ALG11: variants seen among roughly 807,000 people sequenced by gnomAD.
ALG11 encodes the protein GDP-Man:Man(3)GlcNAc(2)-PP-Dol alpha-1,2-mannosyltransferase.
In ALG11, 26 loss-of-function variants were observed where a neutral mutation model predicts 38.8. The ratio of observed to expected loss-of-function variants is 0.67; its 90% CI spans 0.49 to 0.93. The LOEUF (loss-of-function observed/expected upper bound fraction) is 0.93, where lower values mean the gene tolerates loss of function less well. ALG11 is among the 40% of genes least tolerant of loss of function. ALG11 has a pLI of 0.00. For synonymous variants in ALG11, 199 were observed against 211.6 expected, an observed-to-expected ratio of 0.94 and a Z score of 0.52; for missense variants, 535 against 578.8, an observed-to-expected ratio of 0.92 and a Z score of 0.78.
chr13:52,015,919 A>G (rs1415859714), intron 1 of ALG11: 1 of 152,774 alleles, frequency 6.5e-6, no homozygotes, highest in Non-Finnish European at 1.5e-5. Context: ...AGAGGCTGGA[A>G]CAGTTTGGAG....
chr13:52,023,954 C>A (rs1056009658), intron 2 of ALG11, 52 bp from the exon 3 acceptor site: 36 of 1,568,992 alleles, frequency 2.3e-5, no homozygotes, highest in Non-Finnish European at 3.2e-5. Context: ...GCCACCGTGT[C>A]TGGCTAATTT....
chr13:52,029,383 G>C lies in ALG11; in HGVS notation c.*793G>C. The C allele has an allele frequency of 6.2e-7, 1 of 1,614,082 alleles. No individual in the cohort carries two copies. Among genetic ancestry groups the C allele is most frequent in the Non-Finnish European group, 8.5e-7 (1 of 1,180,034 alleles). On this transcript the variant is annotated 3_prime_UTR_variant, in exon 4 of 4. Transcript: ENST00000521508. The stretch of plus-strand genomic sequence containing the variant: ...AGGAAATTTTTAACCTCCTCCATAA[G>C]AACAAGCAGCCAGTGACAGATCCTT...
intron 2 of ALG11, 176 bp from the exon 3 acceptor site, chr13:52,023,830 T>C (rs1954209748): frequency 6.0e-6 from 2 of 334,204 alleles, no homozygotes; most frequent in South Asian, 4.2e-5. Context: ...AGTCTCACTC[T>C]GTCACCCAGG....
Position 52,029,334 on chromosome 13 carries a change from G to GGAA in ALG11, c.*746_*748dup, listed in dbSNP as rs753049565. On this transcript the variant is annotated 3_prime_UTR_variant, in exon 4 of 4. Coordinates refer to ENST00000521508, the MANE Select transcript of ALG11 (RefSeq NM_001004127.3). Reference sequence around the variant, plus strand: ...CCCATTGAACATGCGCTCAGTGGCTGGAAGGCAAGAACTCCCCTGGAGCAG... The same window carrying GGAA: ...CCCATTGAACATGCGCTCAGTGGCTGGAAGAAGGCAAGAACTCCCCTGGAGCAG... The GGAA allele has an allele frequency of 1.1e-5, 17 of 1,614,012 alleles. No individual in the cohort carries two copies. The highest frequency in any genetic ancestry group is 1.4e-5 in the Non-Finnish European group (17 of 1,180,034).
At chr13:52,028,224 G>A in intron 3 of ALG11, 95 bp from the exon 4 acceptor site, 1 of 1,427,372 alleles carries the variant, frequency 7.0e-7, no homozygotes, top group Non-Finnish European at 9.8e-7. Flanking sequence ...TTTCTCATAA[G>A]TCCCTTAAAT....
rs545974303 is a variant in ALG11, at chr13:52,031,239, G to A, written c.*2649G>A. ...AGTTGAGCCACATTTTTTAAAAAAAGAAAATGGATGACCATTAATTGACTA... is the reference window on the plus strand; with the variant it reads ...AGTTGAGCCACATTTTTTAAAAAAAAAAAATGGATGACCATTAATTGACTA... On this transcript the variant is annotated 3_prime_UTR_variant, in exon 4 of 4. Transcript: ENST00000521508. 6 of 1,291,138 alleles carry A rather than the reference G, an allele frequency of 4.6e-6. No individual in the cohort carries two copies. In the East Asian group the frequency reaches 9.9e-5, roughly 21 times the overall value. 80.0% of individuals were successfully genotyped at this position (1,291,138 alleles called of 1,614,324 possible).
chr13:52,025,598 G>A (rs978466524), intron 3 of ALG11, among the ~76,000 whole-genome samples: 13 of 152,342 alleles, frequency 8.5e-5, no homozygotes, highest in African/African-American at 2.9e-4. Context: ...GTGCCAGATT[G>A]CATCATAAGT....
chr13:52,020,966 G>A (rs1441383834), intron 2 of ALG11: 1 of 152,198 alleles, frequency 6.6e-6, no homozygotes, highest in Non-Finnish European at 1.5e-5. Context: ...TTGGGGACCT[G>A]CTATGTGTCA....
rs1389999366 is a variant in ALG11, at chr13:52,030,091, A to T, written c.*1501A>T. 6.2e-7 allele frequency: 1 copy of T among 1,614,254 alleles called. No individual in the cohort carries two copies. The highest frequency in any genetic ancestry group is 1.6e-4 in the Middle Eastern group (1 of 6,062). Reference sequence around the variant, plus strand: ...AATTTGAGGAAAGGCAATCCCTTAGAAAAAGATCTGAGCTCAACCAGGATG... The same window carrying T: ...AATTTGAGGAAAGGCAATCCCTTAGTAAAAGATCTGAGCTCAACCAGGATG... On this transcript the variant is annotated 3_prime_UTR_variant, in exon 4 of 4. Coordinates refer to ENST00000521508, the MANE Select transcript of ALG11 (RefSeq NM_001004127.3).
At chr13:52,019,405 T>TAGAGACAG (rs1439875852) in intron 2 of ALG11, among the ~76,000 whole-genome samples, 1 of 151,950 alleles carries the variant, frequency 6.6e-6, no homozygotes, top group Non-Finnish European at 1.5e-5. Context: ...GTATTTTTAG[T>TAGAGACAG]AGAGACAGGG....
At chr13:52,028,291 A>G in intron 3 of ALG11, 28 bp from the exon 4 acceptor site, 1 of 1,614,050 alleles carries the variant, frequency 6.2e-7, no homozygotes, top group Non-Finnish European at 8.5e-7. Flanking sequence ...AACTTAAAAG[A>G]TTACATGATT....
chr13:52,013,514 A>G (rs1169229092), intron 1 of ALG11, among the ~76,000 whole-genome samples: 1 of 152,268 alleles, frequency 6.6e-6, no homozygotes, highest in East Asian at 1.9e-4. Context: ...GGACAGGTTT[A>G]ACTTTAGTTA....
Position 52,030,853 on chromosome 13 carries a change from G to C in ALG11, c.*2263G>C. On this transcript the variant is annotated 3_prime_UTR_variant, in exon 4 of 4. Transcript: ENST00000521508. ...ACGCAGCAGCTCATCAGGTACAAGT[G>C]CTTCCATATCCATTTACCCACCATC... 1 of 1,614,138 alleles carries C rather than the reference G, an allele frequency of 6.2e-7. No individual in the cohort carries two copies. The highest frequency in any genetic ancestry group is 1.1e-5 in the South Asian group (1 of 91,076).
chr13:52,020,841 C>G (rs1371183981), intron 2 of ALG11: 1 of 152,220 alleles, frequency 6.6e-6, no homozygotes, highest in African/African-American at 2.4e-5. Context: ...CCTTCCCTTT[C>G]TATATAGTGT....
At position 52,024,032 on chromosome 13, in the gene ALG11, A is replaced by T. The variant is rs769674961; in HGVS notation, c.302A>T (p.Tyr101Phe). Residue 101 changes from tyrosine (Y) to phenylalanine (F), a missense_variant, in exon 3 of 4, where the codon TAT (tyrosine) becomes TTT (phenylalanine). Tyr to Phe is a conservative substitution (Grantham distance 22, BLOSUM62 3). Coordinates refer to ENST00000521508, the MANE Select transcript of ALG11 (RefSeq NM_001004127.3). ...KKYPEAVYVVYTGDVNVNGQQ... is the reference protein window; with the variant it reads ...KKYPEAVYVVFTGDVNVNGQQ... The stretch of plus-strand genomic sequence containing the variant: ...TATCCTGAAGCAGTTTATGTTGTTT[A>T]TACCGGCGATGTTAATGTCAACGGT... The T allele has an allele frequency of 6.2e-6, 10 of 1,614,032 alleles. No homozygotes were observed. The highest frequency in any genetic ancestry group is 8.5e-6 in the Non-Finnish European group (10 of 1,180,024).
chr13:52,012,469 A>G lies in ALG11; in HGVS notation c.44+7A>G, dbSNP rs763815745. 1.9e-5 allele frequency: 30 copies of G among 1,614,156 alleles called. No homozygotes were observed. Among genetic ancestry groups the G allele is most frequent in the Non-Finnish European group, 2.5e-5 (30 of 1,180,044 alleles). The stretch of plus-strand genomic sequence containing the variant: ...GCCTGTGCAAGTTGTTGAGGTGAGC[A>G]GCCGGTCGTGTGGGCTCACAGACGT... On this transcript the variant is annotated splice_region_variant and intron_variant, in intron 1 of 3. Transcript: ENST00000521508.
intron 3 of ALG11, among the ~76,000 whole-genome samples, chr13:52,027,153 C>T (rs1480178326): frequency 1.3e-5 from 2 of 152,130 alleles, no homozygotes; most frequent in African/African-American, 4.8e-5. Context: ...AAGCAAAAGT[C>T]AGACTATGAG....
chr13:52,028,323 TGTG>T lies in ALG11; in HGVS notation c.1214_1216del (p.Val405del), dbSNP rs1954261544. 2 of 1,614,178 alleles carry T rather than the reference TGTG, an allele frequency of 1.2e-6. No homozygotes were observed. Among genetic ancestry groups the T allele is most frequent in the Non-Finnish European group, 1.7e-6 (2 of 1,180,038 alleles). ...GATTTGTGTTTTTTTTCTCAGGAGT[TGTG>T]GAGTGTATGGCAGCTGGCACAATTA... On this transcript the variant is annotated inframe_deletion, in exon 4 of 4. Coordinates refer to ENST00000521508, the MANE Select transcript of ALG11 (RefSeq NM_001004127.3).
Position 52,024,264 on chromosome 13 carries a change from C to T in ALG11, c.534C>T (p.Tyr178=), listed in dbSNP as rs377670963. The change falls in exon 3 of 4, where the codon TAC becomes TAT. Residue 178 remains tyrosine (Y), a synonymous_variant. Transcript: ENST00000521508. ...ATGTTTACATTGATTCAATGGGATA[C>T]GCTTTTACGCTTCCTCTGTTTAAGT... ...VPDVYIDSMG[Y]AFTLPLFKYI... is the part of the protein sequence containing the mutation. 14 of 1,613,902 alleles carry T rather than the reference C, an allele frequency of 8.7e-6. No homozygotes were observed. The highest frequency in any genetic ancestry group is 2.2e-5 in the East Asian group (1 of 44,876).
Sources: allele counts gnomAD v4.1 joint callset (sites outside exome capture counted in the v4.1 genomes callset), GRCh38; gene constraint gnomAD v4.1.1; transcripts MANE v1.5; gene names NCBI Gene and HGNC (gene_info 2026-07-23, HGNC 2026-07-21).